The following MSI2 variants were observed in gnomAD, a reference collection of about 807,000 sequenced individuals.
MSI2 encodes musashi RNA binding protein 2, also known as RNA-binding protein Musashi homolog 2.
In MSI2, 17 loss-of-function variants were observed where a neutral mutation model predicts 45.6. The ratio of observed to expected loss-of-function variants is 0.37; its 90% CI spans 0.26 to 0.56. The LOEUF (loss-of-function observed/expected upper bound fraction) is 0.56. Among genes scored for constraint, MSI2 ranks in the 20% least tolerant of loss-of-function variants. MSI2 has a pLI of 0.77. For missense variants in MSI2, 293 were observed against 444.2 expected, an observed-to-expected ratio of 0.66 and a Z score of 3.06; for synonymous variants, 156 against 158.2, an observed-to-expected ratio of 0.99 and a Z score of 0.11.
At chr17:57,492,837 T>C (rs2085902233) in intron 6 of MSI2, among the ~76,000 whole-genome samples, 1 of 152,216 alleles carries the variant, frequency 6.6e-6, no homozygotes, top group Admixed American at 6.5e-5. Context: ...CCTCAGGTGA[T>C]CCACCTGGCT....
intron 6 of MSI2, among the ~76,000 whole-genome samples, chr17:57,456,395 A>G (rs2085115512): frequency 6.6e-6 from 1 of 152,154 alleles, no homozygotes; most frequent in Admixed American, 6.5e-5. Context: ...GGATCACGAG[A>G]TCAGGAGTTC....
At chr17:57,450,267 G>A (rs1162500278) in intron 6 of MSI2, 23 of 75,410 alleles carry the variant, frequency 3.0e-4, no homozygotes, top group African/African-American at 1.3e-3. Flanking sequence ...AAGAAAGAAA[G>A]AAAGAAAGAA....
At chr17:57,334,115 C>T (rs1015697664) in intron 5 of MSI2, among the ~76,000 whole-genome samples, 3 of 152,186 alleles carry the variant, frequency 2.0e-5, no homozygotes, top group African/African-American at 4.8e-5. Flanking sequence ...GCTGAACACA[C>T]GGATGCGTGG....
intron 6 of MSI2, among the ~76,000 whole-genome samples, chr17:57,420,909 G>A (rs1015910595): frequency 6.6e-6 from 1 of 152,220 alleles, no homozygotes; most frequent in Non-Finnish European, 1.5e-5. Context: ...GAGCATCGCC[G>A]CTTTAATGAT....
At chr17:57,382,489 G>A (rs1044778905) in intron 5 of MSI2, among the ~76,000 whole-genome samples, 15 of 152,308 alleles carry the variant, frequency 9.8e-5, no homozygotes, top group African/African-American at 3.6e-4. Context: ...CTGGGTGAGG[G>A]AACAGCTTGA....
intron 6 of MSI2, among the ~76,000 whole-genome samples, chr17:57,516,099 G>A (rs2086463916): frequency 6.6e-6 from 1 of 152,060 alleles, no homozygotes; most frequent in African/African-American, 2.4e-5. Flanking sequence ...CTTTAAAATT[G>A]TACTACCTGG....
intron 7 of MSI2, among the ~76,000 whole-genome samples, chr17:57,557,695 C>T (rs908021086): frequency 6.6e-6 from 1 of 152,234 alleles, no homozygotes; most frequent in Admixed American, 6.5e-5. Flanking sequence ...TGTACATTCG[C>T]TCCCCAGTGG....
intron 6 of MSI2, chr17:57,522,425 C>A (rs763131731): frequency 6.6e-6 from 1 of 152,096 alleles, no homozygotes; most frequent in Non-Finnish European, 1.5e-5. Context: ...CCGTTTCCTG[C>A]TTTGTTCTTG....
At chr17:57,569,990 C>T (rs1448939137) in intron 7 of MSI2, among the ~76,000 whole-genome samples, 6 of 152,080 alleles carry the variant, frequency 3.9e-5, no homozygotes, top group East Asian at 1.9e-4. Flanking sequence ...AGCGTAGACA[C>T]GAGCCACGGC....
At chr17:57,693,396 G>A in the MSI2 span, among the ~76,000 whole-genome samples, 8 of 133,634 alleles carry the variant, frequency 6.0e-5, no homozygotes, top group Admixed American at 1.5e-4. Context: ...TGGCCAGGCT[G>A]GTCTCACACT....
intron 7 of MSI2, among the ~76,000 whole-genome samples, chr17:57,576,338 T>C (rs899475165): frequency 3.3e-5 from 5 of 152,220 alleles, no homozygotes; most frequent in Admixed American, 1.3e-4. Flanking sequence ...CTCCATTGTA[T>C]CCTAAAGGCC....
chr17:57,552,860 A>T lies in MSI2; in HGVS notation c.454+23136A>T, dbSNP rs1180334099. 6.6e-6 allele frequency among the ~76,000 whole-genome samples: 1 copy of T among 152,198 alleles called. No homozygotes were observed. Among genetic ancestry groups the T allele is most frequent in the Non-Finnish European group, 1.5e-5 (1 of 68,038 alleles). On this transcript the variant is annotated intron_variant, in intron 7 of 13. Coordinates refer to ENST00000284073, the MANE Select transcript of MSI2 (RefSeq NM_138962.4). This position sits in a 1 kb window ranked among gnomAD's most constrained non-coding sequence, Gnocchi z 4.3. Reference sequence around the variant, plus strand: ...GGGGACATAAATATAAACAACCCGGAAATCACTGCCCCTAGAATTCACAGA... The same window carrying T: ...GGGGACATAAATATAAACAACCCGGTAATCACTGCCCCTAGAATTCACAGA...
Position 57,627,156 on chromosome 17 carries a change from C to T in MSI2, c.653-73C>T. ...TAACTCAGGCTTTCCTCATTGCCAC[C>T]CTCCGTGAGATTTTACCCCAGACCT... On this transcript the variant is annotated intron_variant, in intron 9 of 13. Transcript: ENST00000284073. The surrounding 1 kb of genome is among the most constrained non-coding windows in gnomAD (Gnocchi z 4.6). 7.6e-7 allele frequency: 1 copy of T among 1,315,962 alleles called. No homozygotes were observed. Among genetic ancestry groups the T allele is most frequent in the Admixed American group, 1.7e-5 (1 of 59,176 alleles). 81.5% of individuals were successfully genotyped at this position (1,315,962 alleles called of 1,614,324 possible).
intron 6 of MSI2, among the ~76,000 whole-genome samples, chr17:57,472,499 G>T: frequency 1.6e-5 from 1 of 62,958 alleles, no homozygotes; most frequent in African/African-American, 4.2e-5. Flanking sequence ...AATTGAAGGT[G>T]ATGGGAAGGG....
intron 5 of MSI2, among the ~76,000 whole-genome samples, chr17:57,391,342 G>A: frequency 6.6e-6 from 1 of 152,134 alleles, no homozygotes; most frequent in East Asian, 1.9e-4. Flanking sequence ...ATTTCAGCCA[G>A]TGTCCTAGGC....
chr17:57,287,804 C>G (rs1326670230), intron 5 of MSI2, among the ~76,000 whole-genome samples: 1 of 152,200 alleles, frequency 6.6e-6, no homozygotes, highest in South Asian at 2.1e-4. Flanking sequence ...AATCAGAGTC[C>G]TGTGCTGGCA....
intron 5 of MSI2, among the ~76,000 whole-genome samples, chr17:57,357,344 C>T (rs1412588296): frequency 6.6e-6 from 1 of 152,162 alleles, no homozygotes; most frequent in Non-Finnish European, 1.5e-5. Flanking sequence ...TCAGAGTCCA[C>T]CGCCGGTGGG....
chr17:57,257,073 C>T (rs558793713), intron 1 of MSI2, 25 bp from the exon 2 acceptor site: 1 of 1,463,994 alleles, frequency 6.8e-7, no homozygotes, highest in South Asian at 1.1e-5. Context: ...TCGGTGCTCA[C>T]TTCTGTTATG....
chr17:57,475,948 A>G (rs972761937), intron 6 of MSI2, among the ~76,000 whole-genome samples: 1 of 152,208 alleles, frequency 6.6e-6, no homozygotes, highest in African/African-American at 2.4e-5. Flanking sequence ...AACAACAACA[A>G]CAAAGAACAA....
Sources: allele counts gnomAD v4.1 joint callset (sites outside exome capture counted in the v4.1 genomes callset), GRCh38; gene constraint gnomAD v4.1.1; non-coding constraint Gnocchi (gnomAD v3.1); transcripts MANE v1.5; gene names NCBI Gene and HGNC (gene_info 2026-07-23, HGNC 2026-07-21).